Variants in CPA6 observed in about 807,000 individuals in gnomAD.
CPA6 encodes carboxypeptidase A6.
A neutral mutation model predicts 63.3 loss-of-function variants in CPA6; 58 were observed. The observed-to-expected ratio is 0.92, with a 90% CI of 0.74 to 1.14. CPA6 has a LOEUF of 1.14. Among genes scored for constraint, CPA6 ranks in the 50% most tolerant of loss-of-function variants. The pLI, the probability that CPA6 is intolerant of heterozygous loss-of-function variation, is 0.00. For missense variants in CPA6, 565 were observed against 526.6 expected (o/e 1.07, Z -0.71); for synonymous variants, 185 against 179.0 (o/e 1.03, Z -0.27).
intron 2 of CPA6, among the ~76,000 whole-genome samples, chr8:67,548,533 A>AGCCACT (rs1207521101): frequency 6.6e-6 from 1 of 152,100 alleles, no homozygotes; most frequent in African/African-American, 2.4e-5. Flanking sequence ...TATAGGCATG[A>AGCCACT]GCCACTGTGC....
intron 2 of CPA6, among the ~76,000 whole-genome samples, chr8:67,602,753 A>G (rs1464822435): frequency 1.3e-5 from 2 of 152,234 alleles, no homozygotes; most frequent in Non-Finnish European, 2.9e-5. Flanking sequence ...ACCGGATGTC[A>G]GGAAATTATA....
At chr8:67,448,639 G>GAAAAAAAAAAAAAAAAAAA (rs61317091) in intron 8 of CPA6, among the ~76,000 whole-genome samples, 41 of 23,228 alleles carry the variant, frequency 1.8e-3, no homozygotes, top group Non-Finnish European at 2.8e-3. Context: ...CTCAAAAAAG[G>GAAAAAAAAAAAAAAAAAAA]AAAAAAAAAA....
intron 6 of CPA6, among the ~76,000 whole-genome samples, chr8:67,500,116 CAT>C (rs555582950): frequency 5.9e-5 from 9 of 152,276 alleles, no homozygotes; most frequent in Middle Eastern, 3.4e-3. Flanking sequence ...GCACCTGCAA[CAT>C]ATGAGTGTTC....
At chr8:67,687,150 AG>A (rs1816724122) in intron 1 of CPA6, among the ~76,000 whole-genome samples, 1 of 152,236 alleles carries the variant, frequency 6.6e-6, no homozygotes, top group African/African-American at 2.4e-5. Flanking sequence ...GATAAATAAT[AG>A]GAATCTCACA....
chr8:67,604,310 C>A (rs1396444525), intron 2 of CPA6, among the ~76,000 whole-genome samples: 2 of 152,154 alleles, frequency 1.3e-5, no homozygotes, highest in Non-Finnish European at 2.9e-5. Flanking sequence ...GAGCTAGTGT[C>A]CGAGACTGGC....
At chr8:67,681,970 C>T (rs1464933857) in intron 1 of CPA6, among the ~76,000 whole-genome samples, 2 of 152,044 alleles carry the variant, frequency 1.3e-5, no homozygotes, top group Non-Finnish European at 2.9e-5. Context: ...ACTGGAATTG[C>T]ACTGAATCTA....
intron 2 of CPA6, among the ~76,000 whole-genome samples, chr8:67,527,612 A>C (rs979029878): frequency 6.6e-6 from 1 of 152,188 alleles, no homozygotes; most frequent in African/African-American, 2.4e-5. Context: ...AAAAGTTTAC[A>C]TTTCCCTTGG....
chr8:67,682,583 G>A (rs1400018924), intron 1 of CPA6, among the ~76,000 whole-genome samples: 1 of 152,090 alleles, frequency 6.6e-6, no homozygotes, highest in East Asian at 1.9e-4. Flanking sequence ...AATATTTGAT[G>A]GGAATTTGAC....
intron 1 of CPA6, among the ~76,000 whole-genome samples, chr8:67,662,565 T>A (rs1816140107): frequency 7.4e-6 from 1 of 135,980 alleles, no homozygotes; most frequent in Non-Finnish European, 1.5e-5. Flanking sequence ...TATGTATATA[T>A]AGAATACATA....
At chr8:67,678,113 A>G (rs914043188) in intron 1 of CPA6, among the ~76,000 whole-genome samples, 50 of 152,124 alleles carry the variant, frequency 3.3e-4, no homozygotes, top group Middle Eastern at 3.4e-3. Flanking sequence ...CTGTAGTCCC[A>G]GGTACTTGGG....
At chr8:67,454,520 T>C (rs753458111) in intron 8 of CPA6, among the ~76,000 whole-genome samples, 1 of 152,226 alleles carries the variant, frequency 6.6e-6, no homozygotes, top group Admixed American at 6.5e-5. Flanking sequence ...AATAGACTTC[T>C]TCTAGGAGAA....
At chr8:67,594,422 T>C (rs1404044755) in intron 2 of CPA6, among the ~76,000 whole-genome samples, 1 of 152,172 alleles carries the variant, frequency 6.6e-6, no homozygotes, top group South Asian at 2.1e-4. Context: ...TGAATCTGAA[T>C]GTTGGCCTGC....
Position 67,649,424 on chromosome 8 carries a change from C to T in CPA6, c.117-25173G>A, listed in dbSNP as rs1190174413. Among the ~76,000 whole-genome samples the T allele has an allele frequency of 2.0e-5, 3 of 152,062 alleles. No individual in the cohort carries two copies. In the South Asian group the frequency reaches 6.2e-4, roughly 32 times the overall value. On this transcript the variant is annotated intron_variant, in intron 1 of 10. Transcript: ENST00000297770. ...CCAACAATAATAAATTACAATGATG[C>T]CCAATAGTTTTTTTCATTCTTACTA...
At chr8:67,579,204 A>G (rs1294286048) in intron 2 of CPA6, among the ~76,000 whole-genome samples, 1 of 152,266 alleles carries the variant, frequency 6.6e-6, no homozygotes, top group Non-Finnish European at 1.5e-5. Context: ...TGAGGTCAGG[A>G]GTTCAACACC....
intron 2 of CPA6, among the ~76,000 whole-genome samples, chr8:67,568,107 A>G (rs1253122626): frequency 6.6e-6 from 1 of 152,144 alleles, no homozygotes; most frequent in African/African-American, 2.4e-5. Flanking sequence ...CGGGGTCAGT[A>G]CGAGCTGGCC....
intron 1 of CPA6, among the ~76,000 whole-genome samples, chr8:67,634,306 G>T (rs532804295): frequency 6.7e-6 from 1 of 149,048 alleles, no homozygotes; most frequent in African/African-American, 2.5e-5. Flanking sequence ...TACAAGCTCC[G>T]CCTCCCGCAT....
chr8:67,498,379 T>C (rs1811764513), intron 6 of CPA6, among the ~76,000 whole-genome samples: 1 of 150,656 alleles, frequency 6.6e-6, no homozygotes, highest in Non-Finnish European at 1.5e-5. Flanking sequence ...CTACTGAAAA[T>C]AGAAAAATTA....
At chr8:67,732,923 G>A (rs1817734424) in intron 1 of CPA6, among the ~76,000 whole-genome samples, 1 of 151,950 alleles carries the variant, frequency 6.6e-6, no homozygotes, top group Non-Finnish European at 1.5e-5. Flanking sequence ...CTTGCCGGGC[G>A]TGGTGGCTCA....
At chr8:67,462,976 C>G (rs1810846593) in intron 8 of CPA6, among the ~76,000 whole-genome samples, 1 of 152,092 alleles carries the variant, frequency 6.6e-6, no homozygotes, top group African/African-American at 2.4e-5. Flanking sequence ...AACTTAAAGC[C>G]TCATAGTGGT....
Sources: allele counts gnomAD v4.1 joint callset (sites outside exome capture counted in the v4.1 genomes callset), GRCh38; gene constraint gnomAD v4.1.1; transcripts MANE v1.5; gene names NCBI Gene and HGNC (gene_info 2026-07-23, HGNC 2026-07-21).